The following SLC9C1 variants were observed in gnomAD, a reference collection of about 807,000 sequenced individuals.
The protein encoded by SLC9C1 is sodium/hydrogen exchanger 10.
In SLC9C1, 97 loss-of-function variants were observed where a neutral mutation model predicts 140.9. That is an observed-to-expected ratio of 0.69 (90% CI 0.58 to 0.82). The LOEUF (loss-of-function observed/expected upper bound fraction) is 0.82, where lower values mean the gene tolerates loss of function less well. Ranked by LOEUF, SLC9C1 falls within the 40% of genes least tolerant of loss-of-function variation. The probability of loss-of-function intolerance (pLI) is 0.00; values close to 1 mark genes in which losing one functional copy is unlikely to be tolerated. For synonymous variants in SLC9C1, 440 were observed against 442.6 expected, an observed-to-expected ratio of 0.99 and a Z score of 0.07; for missense variants, 1,340 against 1,389.3, an observed-to-expected ratio of 0.96 and a Z score of 0.56.
intron 19 of SLC9C1, 52 bp from the exon 20 acceptor site, chr3:112,199,521 T>TCA (rs749338381): frequency 3.6e-6 from 5 of 1,401,484 alleles, no homozygotes; most frequent in Non-Finnish European, 4.7e-6. Context: ...GTTTTAAATG[T>TCA]TTTATGTGGA....
rs377331462 is a variant in SLC9C1, at chr3:112,221,267, C to T, written c.1573-42G>A. The T allele has an allele frequency of 7.8e-5, 118 of 1,505,000 alleles. 1 individual carries two copies. The highest frequency in any genetic ancestry group is 3.0e-4 in the South Asian group (26 of 86,540). 93.2% of individuals were successfully genotyped at this position (1,505,000 alleles called of 1,614,324 possible). ...TCAAGTCATTATATAGCATGAATAACGATGACAACTTATTACAATCTTGAT... is the reference window on the plus strand; with the variant it reads ...TCAAGTCATTATATAGCATGAATAATGATGACAACTTATTACAATCTTGAT... On this transcript the variant is annotated intron_variant, in intron 13 of 28. Transcript: ENST00000305815.
chr3:112,204,382 A>T lies in SLC9C1; in HGVS notation c.2008T>A (p.Phe670Ile). Residue 670 changes from phenylalanine to isoleucine, a missense_variant, in exon 17 of 29, where the codon TTT becomes ATT. Phe to Ile is a conservative substitution (Grantham distance 21). Coordinates refer to ENST00000305815, the MANE Select transcript of SLC9C1 (RefSeq NM_183061.3). ...AATATGTTCCAGGCATGTGAAAAAA[A>T]GTCCTTCCTCATTGCTGCTATCTGT... ...LLKIAAMRKD[F>I]FSHAWNIFEL... The T allele has an allele frequency of 6.4e-7, 1 of 1,571,120 alleles. No individual in the cohort carries two copies. Among genetic ancestry groups the T allele is most frequent in the Non-Finnish European group, 8.6e-7 (1 of 1,165,856 alleles).
In SLC9C1 at chr3:112,277,669, A is replaced by G. The variant is rs2080251302; in HGVS notation, c.484+26T>C. The stretch of plus-strand genomic sequence containing the variant: ...CATTATGAAATATGATATTATAAAT[A>G]TAGAAAAAGAGAACAATATACCTAC... On this transcript the variant is annotated intron_variant, in intron 5 of 28. Transcript: ENST00000305815. 6.1e-6 allele frequency: 9 copies of G among 1,472,860 alleles called. No homozygotes were observed. In the East Asian group the frequency reaches 2.2e-4, roughly 36 times the overall value. 91.2% of individuals were successfully genotyped at this position (1,472,860 alleles called of 1,614,324 possible).
intron 1 of SLC9C1, among the ~76,000 whole-genome samples, chr3:112,291,260 A>C (rs1489628788): frequency 6.6e-6 from 1 of 152,214 alleles, no homozygotes. Context: ...AAAAGCAAAA[A>C]TTAACAAATG....
intron 26 of SLC9C1, among the ~76,000 whole-genome samples, chr3:112,165,811 A>C (rs142111031): frequency 3.9e-5 from 6 of 152,342 alleles, no homozygotes; most frequent in African/African-American, 1.4e-4. Context: ...AGAGAGGGAC[A>C]TTTAAGTCTG....
intron 2 of SLC9C1, among the ~76,000 whole-genome samples, chr3:112,283,698 A>C (rs2080423470): frequency 6.6e-6 from 1 of 152,142 alleles, no homozygotes. Flanking sequence ...CTTGCTTTGC[A>C]CAGTTCCAAT....
At chr3:112,177,170 C>A (rs922923026) in intron 23 of SLC9C1, among the ~76,000 whole-genome samples, 1 of 152,106 alleles carries the variant, frequency 6.6e-6, no homozygotes, top group African/African-American at 2.4e-5. Context: ...CTGTGCCCAG[C>A]TAATTTTTGT....
intron 13 of SLC9C1, among the ~76,000 whole-genome samples, chr3:112,223,607 CAAAG>C (rs1015507307): frequency 1.0e-4 from 15 of 150,350 alleles, no homozygotes; most frequent in Non-Finnish European, 1.2e-4. Context: ...ACAAAAGAAA[CAAAG>C]AAAGGAAAGC....
chr3:112,162,961 T>C (rs1422604346), intron 26 of SLC9C1, among the ~76,000 whole-genome samples: 2 of 133,942 alleles, frequency 1.5e-5, no homozygotes, highest in East Asian at 2.1e-4. Flanking sequence ...CTGTTATTGG[T>C]CTATTCAGAG....
intron 23 of SLC9C1, 49 bp from the exon 24 acceptor site, chr3:112,169,377 T>A: frequency 6.4e-7 from 1 of 1,553,662 alleles, no homozygotes; most frequent in Non-Finnish European, 8.7e-7. Context: ...GCACTATGGT[T>A]TAAGGAATAA....
chr3:112,285,422 G>A (rs2108360823), intron 2 of SLC9C1, among the ~76,000 whole-genome samples: 1 of 152,228 alleles, frequency 6.6e-6, no homozygotes, highest in Admixed American at 6.5e-5. Flanking sequence ...TGTGTTTTTA[G>A]TAGAGACGGG....
chr3:112,274,996 T>C lies in SLC9C1; in HGVS notation c.514A>G (p.Asn172Asp). 1.3e-6 allele frequency: 2 copies of C among 1,577,702 alleles called. No homozygotes were observed. Among genetic ancestry groups the C allele is most frequent in the Non-Finnish European group, 1.7e-6 (2 of 1,169,268 alleles). The change falls in exon 6 of 29, where the codon AAT becomes GAT. Residue 172 changes from asparagine to aspartate, a missense_variant. Coordinates refer to ENST00000305815, the MANE Select transcript of SLC9C1 (RefSeq NM_183061.3). ...ACAGAGGTCATCAGACTTTCTCCAT[T>C]AATTAAACTGATGAGGCTTCTAGAA... is the stretch of plus-strand genomic sequence containing the variant. ...GLSRSLISLI[N>D]GESLMTSVIS... is the part of the protein sequence containing the mutation.
intron 1 of SLC9C1, among the ~76,000 whole-genome samples, chr3:112,290,814 C>CT (rs11412854): frequency 0.59 from 80,819 of 137,824 alleles, 23,878 homozygotes; most frequent in East Asian, 0.92. Flanking sequence ...TCTTTTCCTT[C>CT]TTTTTTTTTT....
At chr3:112,174,647 A>G (rs1019850053) in intron 23 of SLC9C1, among the ~76,000 whole-genome samples, 2 of 151,952 alleles carry the variant, frequency 1.3e-5, no homozygotes, top group African/African-American at 4.8e-5. Flanking sequence ...GTGGTGGTTC[A>G]CCTCCATATG....
In SLC9C1 at chr3:112,277,812, G is replaced by T. The variant is rs1296800925; in HGVS notation, c.367C>A (p.Leu123Ile). The T allele has an allele frequency of 6.2e-7, 1 of 1,609,586 alleles. No homozygotes were observed. The highest frequency in any genetic ancestry group is 1.3e-5 in the African/African-American group (1 of 74,688). Residue 123 changes from leucine to isoleucine, a missense_variant, in exon 5 of 29, where the codon CTT becomes ATT. Leu to Ile is a conservative substitution (Grantham distance 5). Transcript: ENST00000305815. ...PGFLVNYILV[L>I]WHLASVNQLL... ...TGATTTACAGATGCCAGATGCCAAA[G>T]AACTAAGATATAATTAACCAAAAAG...
chr3:112,177,745 G>GA (rs1275779546), intron 23 of SLC9C1, among the ~76,000 whole-genome samples: 8 of 136,130 alleles, frequency 5.9e-5, no homozygotes, highest in African/African-American at 2.2e-4. Context: ...AAATTAAATA[G>GA]AAAAAAAATC....
intron 23 of SLC9C1, among the ~76,000 whole-genome samples, chr3:112,176,433 G>A (rs1302705234): frequency 6.6e-6 from 1 of 152,164 alleles, no homozygotes; most frequent in Non-Finnish European, 1.5e-5. Context: ...GCTGCTTCTA[G>A]TCAGCCATGT....
chr3:112,272,101 G>T (rs2080094694), intron 6 of SLC9C1, among the ~76,000 whole-genome samples: 1 of 152,104 alleles, frequency 6.6e-6, no homozygotes, highest in Admixed American at 6.6e-5. Context: ...CATGCCTCTA[G>T]GCCACATGAG....
intron 26 of SLC9C1, among the ~76,000 whole-genome samples, chr3:112,158,740 A>G (rs574012824): frequency 6.6e-6 from 1 of 151,534 alleles, no homozygotes; most frequent in East Asian, 1.9e-4. Context: ...TCATGTTTCA[A>G]TTTTGATAGG....
Sources: gnomAD v4.1 joint callset for allele counts (sites outside exome capture counted in the v4.1 genomes callset) on GRCh38, gnomAD v4.1.1 for gene constraint, MANE v1.5 for transcripts, NCBI Gene and HGNC (gene_info 2026-07-23, HGNC 2026-07-21) for gene names.